The following CLCN7 variants were observed in gnomAD, a reference collection of about 807,000 sequenced individuals.
CLCN7 encodes Cl-/H+ antiporter 7, also known as H(+)/Cl(-) exchange transporter 7.
Under a neutral mutation model 102.1 loss-of-function variants are expected in CLCN7, and 60 were observed. The ratio of observed to expected loss-of-function variants is 0.59; its 90% CI spans 0.48 to 0.73. CLCN7 has a LOEUF of 0.73. Among genes scored for constraint, CLCN7 ranks in the 30% least tolerant of loss-of-function variants. The probability of loss-of-function intolerance (pLI) is 0.00; values close to 1 mark genes in which losing one functional copy is unlikely to be tolerated. For synonymous variants in CLCN7, 560 were observed against 490.5 expected (o/e 1.14, Z -1.87); for missense variants, 962 against 1,125.7 (o/e 0.85, Z 2.08).
At position 1,446,300 on chromosome 16, in the gene CLCN7, G is replaced by A. The variant is rs755587221; in HGVS notation, c.*331C>T. On this transcript the variant is annotated 3_prime_UTR_variant, in exon 25 of 25. Coordinates refer to ENST00000382745, the MANE Select transcript of CLCN7 (RefSeq NM_001287.6). ...CGCACACGGGCACAGGCACGCAGGT[G>A]CCGGCCCTGCCGCTGGCTCCCAAGA... The A allele has an allele frequency of 1.4e-6, 1 of 699,830 alleles. No homozygotes were observed. Among genetic ancestry groups the A allele is most frequent in the Non-Finnish European group, 2.6e-6 (1 of 384,018 alleles). The allele number at this position is 699,830 out of a possible 1,614,324, so 43.4% of individuals were successfully genotyped here.
chr16:1,469,609 C>A (rs2039049430), intron 1 of CLCN7, among the ~76,000 whole-genome samples: 1 of 152,198 alleles, frequency 6.6e-6, no homozygotes, highest in African/African-American at 2.4e-5. Context: ...TCACTTGAAC[C>A]CAATAGGCAG....
At chr16:1,456,644 G>A (rs1383474481) in intron 9 of CLCN7, among the ~76,000 whole-genome samples, 1 of 152,106 alleles carries the variant, frequency 6.6e-6, no homozygotes. Flanking sequence ...TTTGAGACCA[G>A]CCCGGCCAAC....
intron 6 of CLCN7, among the ~76,000 whole-genome samples, chr16:1,459,943 G>A (rs369802994): frequency 2.2e-5 from 3 of 134,960 alleles, no homozygotes; most frequent in East Asian, 2.0e-4. Context: ...GGGAAGGGGA[G>A]AGCAGCACAC....
intron 2 of CLCN7, among the ~76,000 whole-genome samples, chr16:1,462,692 G>T (rs916298555): frequency 2.3e-5 from 3 of 132,228 alleles, no homozygotes; most frequent in Admixed American, 1.4e-4. Context: ...AAAAAACCAG[G>T]CATGGTACTG....
At chr16:1,448,829 T>C in intron 19 of CLCN7, 63 bp from the exon 20 acceptor site, 1 of 1,598,370 alleles carries the variant, frequency 6.3e-7, no homozygotes, top group Non-Finnish European at 8.5e-7. Flanking sequence ...GCCCCGAGCC[T>C]ACCCCTGGGA....
At chr16:1,466,157 T>A (rs1371254501) in intron 1 of CLCN7, among the ~76,000 whole-genome samples, 1 of 152,268 alleles carries the variant, frequency 6.6e-6, no homozygotes, top group African/African-American at 2.4e-5. Flanking sequence ...GCCCGCCATC[T>A]GCATCAGAGA....
intron 17 of CLCN7, chr16:1,450,138 G>A (rs900830050): frequency 8.5e-6 from 3 of 351,492 alleles, no homozygotes; most frequent in African/African-American, 2.1e-5. Context: ...CTGGCCCCCG[G>A]CCTCACAGAG....
chr16:1,473,735 G>T (rs962708821), intron 1 of CLCN7, among the ~76,000 whole-genome samples: 8 of 152,038 alleles, frequency 5.3e-5, no homozygotes, highest in Admixed American at 5.2e-4. Context: ...AAAATGTAAA[G>T]AATAACTGCA....
chr16:1,473,370 CTTTT>C (rs779736867), intron 1 of CLCN7, among the ~76,000 whole-genome samples: 2 of 76,682 alleles, frequency 2.6e-5, no homozygotes, highest in African/African-American at 5.8e-5. Flanking sequence ...CCTTCCTAAA[CTTTT>C]TTTTTTTTTT....
intron 15 of CLCN7, chr16:1,452,390 G>T (rs751797321): frequency 6.3e-6 from 2 of 317,566 alleles, no homozygotes; most frequent in Non-Finnish European, 1.2e-5. Context: ...CACGGACGGC[G>T]GTGAGCCGTG....
intron 23 of CLCN7, 24 bp downstream of exon 23, chr16:1,447,368 C>T (rs528595875): frequency 1.6e-4 from 240 of 1,540,304 alleles, no homozygotes; most frequent in Non-Finnish European, 1.9e-4. Context: ...AGGCCCCACG[C>T]CCATGCCCAT....
At position 1,452,877 on chromosome 16, in the gene CLCN7, A is replaced by G; in HGVS notation, c.1231T>C (p.Cys411Arg). Residue 411 changes from cysteine to arginine, a missense_variant, in exon 15 of 25, where the codon TGC becomes CGC. Coordinates refer to ENST00000382745, the MANE Select transcript of CLCN7 (RefSeq NM_001287.6). ...MFRIRYIHRP[C>R]LQVIEAVLVA... The stretch of plus-strand genomic sequence containing the variant: ...AGCACGGCCTCAATCACCTGCAGGC[A>G]GGGCCGGTGGATGTACCTGGAACCA... 1 of 1,572,110 alleles carries G rather than the reference A, an allele frequency of 6.4e-7. No homozygotes were observed. Among genetic ancestry groups the G allele is most frequent in the Non-Finnish European group, 8.6e-7 (1 of 1,158,908 alleles).
At position 1,474,887 on chromosome 16, in the gene CLCN7, G is replaced by A. The variant is rs1306027270; in HGVS notation, c.88C>T (p.Pro30Ser). ...AAPLLRRTAR[P>S]GGGTPLLNGA... ...TTCAGCAGCGGCGTCCCCCCGCCGG[G>A]CCGCGCCGTCCTCCGCAGCAGCGGC... Residue 30 changes from proline (P) to serine (S), a missense_variant, in exon 1 of 25, where the codon CCC becomes TCC. Pro to Ser is a moderately conservative substitution (Grantham distance 74, BLOSUM62 -1). Transcript: ENST00000382745. The A allele has an allele frequency of 1.4e-6, 2 of 1,453,062 alleles. No homozygotes were observed. Among genetic ancestry groups the A allele is most frequent in the Admixed American group, 2.4e-5 (1 of 41,316 alleles). The allele number at this position is 1,453,062 out of a possible 1,614,324, so 90.0% of individuals were successfully genotyped here. A position where few individuals can be genotyped will look rare whatever the true frequency, so the allele number is the denominator to read the frequency against.
intron 1 of CLCN7, chr16:1,474,325 C>T: frequency 2.5e-6 from 1 of 394,930 alleles, no homozygotes; most frequent in Non-Finnish European, 5.1e-6. Context: ...CTGATCCCCA[C>T]ACAGAAAGAT....
At chr16:1,450,779 T>C in intron 16 of CLCN7, 113 bp from the exon 17 acceptor site, 1 of 1,005,404 alleles carries the variant, frequency 9.9e-7, no homozygotes, top group East Asian at 2.6e-5. Context: ...CCCAGCAACC[T>C]GAGCTCCCGA....
intron 2 of CLCN7, 21 bp downstream of exon 2, chr16:1,465,246 C>A (rs73493706): frequency 1.2e-6 from 2 of 1,608,308 alleles, no homozygotes; most frequent in Admixed American, 1.7e-5. Context: ...TGCGGGAGGA[C>A]GGGGAACACC....
intron 7 of CLCN7, among the ~76,000 whole-genome samples, chr16:1,458,227 C>T (rs533614201): frequency 5.3e-5 from 8 of 152,224 alleles, no homozygotes; most frequent in Non-Finnish European, 1.0e-4. Flanking sequence ...ATCCTCTCCA[C>T]CTGAGAAGGT....
intron 14 of CLCN7, 146 bp downstream of exon 14, chr16:1,453,687 CG>C: frequency 1.2e-6 from 1 of 802,936 alleles, no homozygotes; most frequent in Non-Finnish European, 2.2e-6. Flanking sequence ...CCAGCTCCAC[CG>C]GGGAAACCAT....
At chr16:1,454,507 G>C (rs1314021248) in intron 12 of CLCN7, 42 bp from the exon 13 acceptor site, 11 of 1,569,852 alleles carry the variant, frequency 7.0e-6, no homozygotes, top group Non-Finnish European at 8.8e-6. Context: ...TGAGGGAAAA[G>C]GCCCACAGCT....
Sources: gnomAD v4.1 joint callset for allele counts (sites outside exome capture counted in the v4.1 genomes callset) on GRCh38, gnomAD v4.1.1 for gene constraint, MANE v1.5 for transcripts, NCBI Gene and HGNC (gene_info 2026-07-23, HGNC 2026-07-21) for gene names.